The following ABCA4 variants were observed in gnomAD, a reference collection of about 807,000 sequenced individuals.
ABCA4 encodes ATP binding cassette subfamily A member 4.
Under a neutral mutation model 263.7 loss-of-function variants are expected in ABCA4, and 196 were observed. The observed-to-expected ratio is 0.74, with a 90% CI of 0.66 to 0.84. The LOEUF (loss-of-function observed/expected upper bound fraction) is 0.84. Among genes scored for constraint, ABCA4 ranks in the 40% least tolerant of loss-of-function variants. ABCA4 has a pLI of 0.00. For synonymous variants in ABCA4, 1,133 were observed against 1,094.2 expected, an observed-to-expected ratio of 1.04 and a Z score of -0.70; for missense variants, 2,792 against 2,855.1, an observed-to-expected ratio of 0.98 and a Z score of 0.50.
intron 14 of ABCA4, among the ~76,000 whole-genome samples, chr1:94,058,495 G>A (rs1329592025): frequency 2.6e-5 from 4 of 152,156 alleles, no homozygotes; most frequent in African/African-American, 9.7e-5. Context: ...CTGAGTAGCC[G>A]GGACTACAGG....
chr1:94,108,601 G>A lies in ABCA4; in HGVS notation c.418C>T (p.Arg140Trp), dbSNP rs1173809441. The A allele has an allele frequency of 1.3e-5, 21 of 1,613,556 alleles. No homozygotes were observed. The highest frequency in any genetic ancestry group is 3.3e-5 in the South Asian group (3 of 91,064). Residue 140 changes from arginine (R) to tryptophan (W), a missense_variant, in exon 4 of 50, where the codon CGG becomes TGG. Coordinates refer to ENST00000370225, the MANE Select transcript of ABCA4 (RefSeq NM_000350.3). ...CCTGCAATTCTCTCCGGGTGAGTCC[G>A]GAGGGTGTCCATGAATTGGGACAAG... Reference protein sequence around the residue: ...HILSQFMDTLRTHPERIAGRG... With the variant: ...HILSQFMDTLWTHPERIAGRG...
In ABCA4 at chr1:94,055,144, A is replaced by G; in HGVS notation, c.2554T>C (p.Leu852=). The G allele has an allele frequency of 6.2e-7, 1 of 1,614,170 alleles. No homozygotes were observed. Among genetic ancestry groups the G allele is most frequent in the Non-Finnish European group, 8.5e-7 (1 of 1,180,038 alleles). Residue 852 remains leucine (L), a synonymous_variant, in exon 16 of 50, where the codon TTA becomes CTA. Coordinates refer to ENST00000370225, the MANE Select transcript of ABCA4 (RefSeq NM_000350.3). ...MMLLDAAVYG[L]LAWYLDQVFP... ...ACCTGATCAAGGTACCAAGCGAGTA[A>G]GCCATAGACAGCAGCATCAAGGAGC... is the stretch of plus-strand genomic sequence containing the variant.
intron 11 of ABCA4, among the ~76,000 whole-genome samples, chr1:94,065,493 C>A (rs1661246451): frequency 6.6e-6 from 1 of 152,208 alleles, no homozygotes; most frequent in Non-Finnish European, 1.5e-5. Flanking sequence ...ACCTCTCACT[C>A]CCGAGTCCCA....
At position 94,031,013 on chromosome 1, in the gene ABCA4, C is replaced by T. The variant is rs1191841374; in HGVS notation, c.4236G>A (p.Gln1412=). The T allele has an allele frequency of 6.2e-7, 1 of 1,614,080 alleles. No homozygotes were observed. The highest frequency in any genetic ancestry group is 2.2e-5 in the East Asian group (1 of 44,878). The part of the protein sequence containing the change: ...ALTLHPWIYG[Q]QYTFFSMDEP... ...CCGCGCACCTGAAGAAGGTGTACTG[C>T]TGCCCATATATCCAGGGGTGAAGGG... The change falls in exon 28 of 50, where the codon CAG becomes CAA. Residue 1412 remains glutamine (Q), a synonymous_variant. Transcript: ENST00000370225.
intron 15 of ABCA4, among the ~76,000 whole-genome samples, chr1:94,056,203 A>G (rs1392018453): frequency 6.6e-6 from 1 of 152,252 alleles, no homozygotes; most frequent in Non-Finnish European, 1.5e-5. Context: ...AAGCAAAACA[A>G]AAACCTTTAA....
chr1:94,107,039 G>A (rs558819625), intron 4 of ABCA4, among the ~76,000 whole-genome samples: 2 of 152,174 alleles, frequency 1.3e-5, no homozygotes, highest in African/African-American at 2.4e-5. Flanking sequence ...GGAGCTGCAC[G>A]CATGCACGGG....
chr1:94,115,151 A>G (rs1662724919), intron 1 of ABCA4, among the ~76,000 whole-genome samples: 1 of 152,248 alleles, frequency 6.6e-6, no homozygotes, highest in Non-Finnish European at 1.5e-5. Flanking sequence ...GAACAAGTTC[A>G]GTAAGATAGC....
Position 94,062,761 on chromosome 1 carries a change from G to A in ABCA4, c.1761-8C>T. The A allele has an allele frequency of 6.2e-7, 1 of 1,613,168 alleles. No individual in the cohort carries two copies. Among genetic ancestry groups the A allele is most frequent in the Non-Finnish European group, 8.5e-7 (1 of 1,179,732 alleles). On this transcript the variant is annotated splice_polypyrimidine_tract_variant and splice_region_variant and intron_variant, in intron 12 of 49. Coordinates refer to ENST00000370225, the MANE Select transcript of ABCA4 (RefSeq NM_000350.3). ...GGACCAGAATCCCAATACCTGAGAA[G>A]ACACAGAGGGACAAAGGATGGGAAC...
chr1:94,053,341 A>G (rs549184996), intron 16 of ABCA4, among the ~76,000 whole-genome samples: 13 of 152,336 alleles, frequency 8.5e-5, no homozygotes, highest in East Asian at 7.7e-4. Flanking sequence ...TCAGAATTCA[A>G]TTGAATTCTT....
At chr1:94,041,530 G>C in intron 22 of ABCA4, 128 bp from the exon 23 acceptor site, 1 of 960,436 alleles carries the variant, frequency 1.0e-6, no homozygotes, top group Non-Finnish European at 1.6e-6. Flanking sequence ...AAAAACCCAA[G>C]GGAACTAATT....
rs61750153 is a variant in ABCA4, at chr1:94,021,871, A to G, written c.4748T>C (p.Leu1583Pro). ...GEALVGFLSD[L>P]GRIMNVSGGP... The stretch of plus-strand genomic sequence containing the variant: ...CCCGCTCACATTCATGATCCGGCCA[A>G]GGTCGCTTAAAAACCCAACAAGTGC... The change falls in exon 33 of 50, where the codon CTT becomes CCT. Residue 1583 changes from leucine to proline, a missense_variant. By Grantham distance (98) the Leu-to-Pro change is moderately conservative (BLOSUM62 -3). Transcript: ENST00000370225. The G allele has an allele frequency of 1.9e-6, 3 of 1,614,234 alleles. No homozygotes were observed. The East Asian group carries it at 6.7e-5, about 36-fold the overall frequency.
chr1:94,054,402 A>T (rs1245390380), intron 16 of ABCA4, among the ~76,000 whole-genome samples: 10 of 152,192 alleles, frequency 6.6e-5, no homozygotes, highest in Non-Finnish European at 2.9e-5. Context: ...ACCCTGGAGG[A>T]ATGTTGTTTA....
intron 13 of ABCA4, among the ~76,000 whole-genome samples, chr1:94,062,308 C>T (rs1238239269): frequency 6.6e-6 from 1 of 152,176 alleles, no homozygotes; most frequent in Non-Finnish European, 1.5e-5. Flanking sequence ...CCCAGCCTCA[C>T]TTTCCTTGCT....
intron 4 of ABCA4, among the ~76,000 whole-genome samples, chr1:94,104,704 T>C (rs754643543): frequency 2.6e-5 from 4 of 152,102 alleles, no homozygotes; most frequent in Admixed American, 6.5e-5. Flanking sequence ...CCCCTTTGCA[T>C]AGGAAAGATC....
chr1:94,049,849 CAA>C (rs1660786326), intron 17 of ABCA4, among the ~76,000 whole-genome samples: 2 of 152,058 alleles, frequency 1.3e-5, no homozygotes, highest in East Asian at 1.9e-4. Flanking sequence ...CACACACACA[CAA>C]ACAGACACTT....
At chr1:94,115,584 C>T (rs1662737035) in intron 1 of ABCA4, among the ~76,000 whole-genome samples, 1 of 152,184 alleles carries the variant, frequency 6.6e-6, no homozygotes, top group Non-Finnish European at 1.5e-5. Flanking sequence ...CTCAACTCTT[C>T]CGTGCCAAAT....
chr1:94,103,145 A>C lies in ABCA4; in HGVS notation c.443-3T>G. ...ATCCCTTATTCGTATTCCTCTTCCT[A>C]CATATGAATAAGAGAAAGAACAGGG... On this transcript the variant is annotated splice_region_variant and splice_polypyrimidine_tract_variant and intron_variant, in intron 4 of 49. Transcript: ENST00000370225. The C allele has an allele frequency of 6.2e-7, 1 of 1,613,862 alleles. No homozygotes were observed. The highest frequency in any genetic ancestry group is 1.1e-5 in the South Asian group (1 of 91,064).
intron 49 of ABCA4, among the ~76,000 whole-genome samples, chr1:93,994,079 T>C (rs1264828462): frequency 7.2e-5 from 11 of 152,178 alleles, no homozygotes; most frequent in African/African-American, 2.7e-4. Flanking sequence ...CTTCTGAAAC[T>C]AACACAAAGA....
In ABCA4 at chr1:94,044,491, A is replaced by G. The variant is rs1660616638; in HGVS notation, c.3050+122T>C. 10 of 1,470,052 alleles carry G rather than the reference A, an allele frequency of 6.8e-6. No homozygotes were observed. In the South Asian group the frequency reaches 8.3e-5, roughly 12 times the overall value. 91.1% of individuals were successfully genotyped at this position (1,470,052 alleles called of 1,614,324 possible). On this transcript the variant is annotated intron_variant, in intron 20 of 49. Coordinates refer to ENST00000370225, the MANE Select transcript of ABCA4 (RefSeq NM_000350.3). ...GGACTTTAAACATAGGGGAAACCAA[A>G]TAAGAGTCTGTATCTCTGCCTGTGC... is the stretch of plus-strand genomic sequence containing the variant.
Sources: allele counts gnomAD v4.1 joint callset (sites outside exome capture counted in the v4.1 genomes callset), GRCh38; gene constraint gnomAD v4.1.1; transcripts MANE v1.5; gene names NCBI Gene and HGNC (gene_info 2026-07-23, HGNC 2026-07-21).